BACC1: variants seen among roughly 807,000 people sequenced by gnomAD.
The protein encoded by BACC1 is BPTF-associated chromatin complex component 1.
chr17:7,017,300 TC>T, the BACC1 span: 2 of 1,613,528 alleles, frequency 1.2e-6, no homozygotes, highest in Non-Finnish European at 1.7e-6. Flanking sequence ...CCTCTGCTGA[TC>T]CTCCTCTCCT....
At chr17:7,017,301 C>G in the BACC1 span, 2 of 1,613,514 alleles carry the variant, frequency 1.2e-6, no homozygotes, top group Non-Finnish European at 1.7e-6. Context: ...CTCTGCTGAT[C>G]CTCCTCTCCT....
the BACC1 span, chr17:7,015,044 A>G: frequency 2.0e-6 from 3 of 1,499,118 alleles, no homozygotes; most frequent in Non-Finnish European, 2.6e-6. Flanking sequence ...GCCCCCCGTG[A>G]CGCTGCCCCG....
chr17:7,015,033 G>A, the BACC1 span: 2 of 1,460,822 alleles, frequency 1.4e-6, no homozygotes, highest in Non-Finnish European at 9.0e-7. Context: ...GGCGGGCGCC[G>A]GCCCCCCGTG....
the BACC1 span, chr17:7,016,482 C>T: frequency 6.2e-7 from 1 of 1,611,220 alleles, no homozygotes; most frequent in African/African-American, 1.3e-5. Flanking sequence ...AACCTCTTCT[C>T]TCTTTTCTTC....
the BACC1 span, chr17:7,016,605 C>T: frequency 6.2e-7 from 1 of 1,614,166 alleles, no homozygotes; most frequent in Admixed American, 1.7e-5. Context: ...GGTGTCTTGT[C>T]ACCTCCTCCA....
At chr17:7,016,750 G>A in the BACC1 span, 7 of 1,559,220 alleles carry the variant, frequency 4.5e-6, no homozygotes, top group African/African-American at 8.2e-5. Flanking sequence ...GAGAGAATTG[G>A]GCCTGGGTCA....
the BACC1 span, chr17:7,015,289 A>T: frequency 7.2e-7 from 1 of 1,397,638 alleles, no homozygotes; most frequent in Non-Finnish European, 9.2e-7. Flanking sequence ...GTCGGTGTTA[A>T]TAAATGATCG....
chr17:7,016,243 C>CT, the BACC1 span: 1 of 546,376 alleles, frequency 1.8e-6, no homozygotes, highest in South Asian at 2.4e-5. Context: ...TCACCAAGCT[C>CT]TACCTGATGT....
chr17:7,015,687 G>T, the BACC1 span: 1 of 1,404,192 alleles, frequency 7.1e-7, no homozygotes, highest in African/African-American at 1.4e-5. Context: ...GAAGGAGGCG[G>T]CTGGTTGGCT....
chr17:7,016,060 C>T, the BACC1 span: 1,422 of 585,206 alleles, frequency 2.4e-3, 14 homozygotes, highest in African/African-American at 0.024. Flanking sequence ...TCCTAAAATG[C>T]TGTGGTAATC....
At chr17:7,016,213 A>C in the BACC1 span, 1 of 524,246 alleles carries the variant, frequency 1.9e-6, no homozygotes, top group Admixed American at 3.7e-5. Flanking sequence ...TTGATCAGTA[A>C]ATCTCAATCC....
At chr17:7,016,711 G>A in the BACC1 span, 2 of 1,595,036 alleles carry the variant, frequency 1.3e-6, no homozygotes, top group Non-Finnish European at 1.7e-6. Context: ...TTGCTGCCTA[G>A]GGGTTAAAGG....
the BACC1 span, chr17:7,015,133 C>A: frequency 6.3e-7 from 1 of 1,586,664 alleles, no homozygotes; most frequent in Admixed American, 1.8e-5. Flanking sequence ...AGCTGCATCC[C>A]GTGGCCGACT....
At chr17:7,015,059 C>A in the BACC1 span, 1 of 1,534,760 alleles carries the variant, frequency 6.5e-7, no homozygotes. Flanking sequence ...GCCCCGCCCC[C>A]AGGTCGGAGA....
the BACC1 span, chr17:7,016,857 T>A: frequency 1.3e-6 from 2 of 1,564,074 alleles, no homozygotes; most frequent in Non-Finnish European, 1.8e-6. Context: ...AGCTTGGGGC[T>A]GGGGGAGAGG....
At chr17:7,016,834 C>T in the BACC1 span, 1 of 1,544,156 alleles carries the variant, frequency 6.5e-7, no homozygotes, top group Non-Finnish European at 8.9e-7. Context: ...AGAGGAGGCA[C>T]AAAGCTTTGG....
At chr17:7,015,731 C>T in the BACC1 span, 1 of 1,562,918 alleles carries the variant, frequency 6.4e-7, no homozygotes, top group East Asian at 2.2e-5. Flanking sequence ...GGCTCCACAC[C>T]CCCCCTCCCA....
chr17:7,017,399 G>A, the BACC1 span: 1 of 1,420,206 alleles, frequency 7.0e-7, no homozygotes, highest in East Asian at 2.3e-5. Context: ...CTGCACGAGA[G>A]AGGGCTGAAA....
the BACC1 span, chr17:7,014,834 C>A: frequency 6.5e-7 from 1 of 1,529,266 alleles, no homozygotes; most frequent in Non-Finnish European, 8.8e-7. The surrounding 1 kb of genome is among the most constrained non-coding windows in gnomAD (Gnocchi z 4.5). Context: ...GCGGCGGCGT[C>A]TCCGTGAGGA....
Sources: allele counts gnomAD v4.1 joint callset, GRCh38; gene constraint gnomAD v4.1.1; non-coding constraint Gnocchi (gnomAD v3.1); transcripts MANE v1.5; gene names NCBI Gene and HGNC (gene_info 2026-07-23, HGNC 2026-07-21).